The following ELL variants were observed in gnomAD, a reference collection of about 807,000 sequenced individuals.
ELL encodes the protein RNA polymerase II elongation factor ELL.
In ELL, 18 loss-of-function variants were observed where a neutral mutation model predicts 64.0. The observed-to-expected ratio is 0.28, with a 90% CI of 0.19 to 0.42. The LOEUF (loss-of-function observed/expected upper bound fraction) is 0.42. Ranked by LOEUF, ELL falls within the 10% of genes least tolerant of loss-of-function variation. The probability of loss-of-function intolerance (pLI) is 1.00; values close to 1 mark genes in which losing one functional copy is unlikely to be tolerated. For missense variants in ELL, 797 were observed against 870.4 expected, an observed-to-expected ratio of 0.92 and a Z score of 1.06; for synonymous variants, 399 against 376.2, an observed-to-expected ratio of 1.06 and a Z score of -0.70.
chr19:18,516,435 T>C (rs1163513046), intron 1 of ELL, among the ~76,000 whole-genome samples: 1 of 152,196 alleles, frequency 6.6e-6, no homozygotes, highest in Non-Finnish European at 1.5e-5. Context: ...ATCATTAACG[T>C]TGACCGCCGG....
intron 1 of ELL, among the ~76,000 whole-genome samples, chr19:18,492,926 C>G (rs1404213519): frequency 6.6e-6 from 1 of 152,102 alleles, no homozygotes; most frequent in Non-Finnish European, 1.5e-5. Context: ...AAAGCTAGGA[C>G]AAGTTCATTC....
At chr19:18,471,425 T>G in intron 2 of ELL, 1 of 402,488 alleles carries the variant, frequency 2.5e-6, no homozygotes, top group Admixed American at 2.9e-5. Context: ...CCCAGCACTT[T>G]GGGAGGCTGC....
At chr19:18,485,365 G>A (rs926345642) in intron 1 of ELL, among the ~76,000 whole-genome samples, 4 of 152,086 alleles carry the variant, frequency 2.6e-5, no homozygotes, top group Admixed American at 6.5e-5. Flanking sequence ...CTATTAGAGC[G>A]CCTCCTCTCT....
At chr19:18,494,385 CTTTTTTGT>C (rs972027262) in intron 1 of ELL, among the ~76,000 whole-genome samples, 2 of 151,646 alleles carry the variant, frequency 1.3e-5, no homozygotes, top group Non-Finnish European at 2.9e-5. Context: ...AAGTTAGTTT[CTTTTTTGT>C]TTTTTTGTTT....
chr19:18,508,254 A>G (rs995766181), intron 1 of ELL, among the ~76,000 whole-genome samples: 1 of 152,290 alleles, frequency 6.6e-6, no homozygotes, highest in East Asian at 1.9e-4. Context: ...GACTGCAGTG[A>G]GCTATGATCA....
chr19:18,469,118 G>A (rs1305609658), intron 2 of ELL, among the ~76,000 whole-genome samples: 3 of 152,196 alleles, frequency 2.0e-5, no homozygotes, highest in Non-Finnish European at 4.4e-5. Context: ...GGGTGACACA[G>A]GCCTCAAAGC....
chr19:18,465,363 A>ACTGGCAG (rs1258023772), intron 4 of ELL, 49 bp downstream of exon 4: 1 of 1,541,952 alleles, frequency 6.5e-7, no homozygotes, highest in Non-Finnish European at 8.8e-7. Context: ...GTCTCCCGAC[A>ACTGGCAG]CTGGCAGCTG....
At chr19:18,461,120 G>T (rs941318874) in intron 5 of ELL, among the ~76,000 whole-genome samples, 1 of 152,222 alleles carries the variant, frequency 6.6e-6, no homozygotes, top group African/African-American at 2.4e-5. Flanking sequence ...ATGGAAGCCT[G>T]ATGGTCTGAG....
chr19:18,449,773 C>T lies in ELL; in HGVS notation c.1465+704G>A, dbSNP rs564955816. ...CTGTCGCACATGGTGGTGGAACAGCCGCTGCACGCTGGCCACTGCTTCTGC... is the reference window on the plus strand; with the variant it reads ...CTGTCGCACATGGTGGTGGAACAGCTGCTGCACGCTGGCCACTGCTTCTGC... On this transcript the variant is annotated intron_variant, in intron 8 of 11. Coordinates refer to ENST00000262809, the MANE Select transcript of ELL (RefSeq NM_006532.4). The surrounding 1 kb of genome is among the most constrained non-coding windows in gnomAD (Gnocchi z 4.4). Among the ~76,000 whole-genome samples, 5 of 152,342 alleles carry T rather than the reference C, an allele frequency of 3.3e-5. No individual in the cohort carries two copies. Among genetic ancestry groups the T allele is most frequent in the South Asian group, 2.1e-4 (1 of 4,828 alleles).
chr19:18,456,483 A>G (rs1432563002), intron 6 of ELL, among the ~76,000 whole-genome samples: 1 of 152,186 alleles, frequency 6.6e-6, no homozygotes, highest in Non-Finnish European at 1.5e-5. Context: ...GTGCTCCAGG[A>G]GCTGTGCTCC....
chr19:18,491,089 G>C (rs998359999), intron 1 of ELL, among the ~76,000 whole-genome samples: 2 of 151,906 alleles, frequency 1.3e-5, no homozygotes, highest in African/African-American at 4.8e-5. Flanking sequence ...AGACTGTTTT[G>C]TTTTTTCCTT....
chr19:18,482,816 G>A (rs911525915), intron 1 of ELL, among the ~76,000 whole-genome samples: 2 of 135,470 alleles, frequency 1.5e-5, no homozygotes, highest in African/African-American at 6.1e-5. Context: ...TTTTGAGACA[G>A]GGCCTCACTC....
intron 1 of ELL, among the ~76,000 whole-genome samples, chr19:18,485,880 G>T (rs1975402956): frequency 1.3e-5 from 2 of 152,142 alleles, no homozygotes; most frequent in East Asian, 1.9e-4. Flanking sequence ...CAGCTATTTG[G>T]GAGGCTGAGG....
chr19:18,466,053 C>T (rs1840763331), intron 2 of ELL, 135 bp from the exon 3 acceptor site: 1 of 884,986 alleles, frequency 1.1e-6, no homozygotes. Flanking sequence ...AAAACACACC[C>T]CTGCTCTTCA....
At chr19:18,496,699 G>A (rs1452094406) in intron 1 of ELL, among the ~76,000 whole-genome samples, 1 of 152,260 alleles carries the variant, frequency 6.6e-6, no homozygotes, top group Non-Finnish European at 1.5e-5. Context: ...GTCCACTCAG[G>A]TGGTGCGGAC....
intron 3 of ELL, 74 bp downstream of exon 3, chr19:18,465,723 C>T: frequency 6.9e-7 from 1 of 1,446,326 alleles, no homozygotes; most frequent in East Asian, 2.6e-5. Flanking sequence ...TGGGGCACAT[C>T]TCAACCCTGG....
chr19:18,460,632 G>A (rs1568380295), intron 5 of ELL, among the ~76,000 whole-genome samples: 1 of 152,236 alleles, frequency 6.6e-6, no homozygotes, highest in South Asian at 2.1e-4. Context: ...CCGCGCACCC[G>A]AGAGGGACGC....
At chr19:18,462,620 G>A (rs1974852399) in intron 4 of ELL, among the ~76,000 whole-genome samples, 1 of 151,840 alleles carries the variant, frequency 6.6e-6, no homozygotes, top group Admixed American at 6.6e-5. Context: ...GGGCCCAAAG[G>A]ACCCTCCCAC....
intron 2 of ELL, among the ~76,000 whole-genome samples, chr19:18,470,346 C>A (rs375208855): frequency 2.0e-5 from 3 of 152,340 alleles, no homozygotes; most frequent in African/African-American, 7.2e-5. Flanking sequence ...TGAGGGGCCC[C>A]CCCACTGCTC....
Sources: gnomAD v4.1 joint callset for allele counts (sites outside exome capture counted in the v4.1 genomes callset) on GRCh38, gnomAD v4.1.1 for gene constraint, Gnocchi (gnomAD v3.1) non-coding constraint, MANE v1.5 for transcripts, NCBI Gene and HGNC (gene_info 2026-07-23, HGNC 2026-07-21) for gene names.